SHANK2: variants seen among roughly 807,000 people sequenced by gnomAD.
SHANK2 encodes the protein SH3 and multiple ankyrin repeat domains 2.
SHANK2 carries 43 observed loss-of-function variants against 133.7 expected under a neutral mutation model. The observed-to-expected ratio is 0.32, with a 90% CI of 0.25 to 0.41. The LOEUF (loss-of-function observed/expected upper bound fraction) is 0.41, where lower values mean the gene tolerates loss of function less well. Among genes scored for constraint, SHANK2 ranks in the 10% least tolerant of loss-of-function variants. The pLI is 1.00. For missense variants in SHANK2, 1,994 were observed against 2,235.8 expected (o/e 0.89, Z 2.18); for synonymous variants, 1,017 against 952.8 (o/e 1.07, Z -1.24).
At chr11:71,141,803 C>T (rs1295438678) in intron 3 of SHANK2, among the ~76,000 whole-genome samples, 1 of 152,032 alleles carries the variant, frequency 6.6e-6, no homozygotes, top group East Asian at 1.9e-4. Context: ...ATGATGGAGC[C>T]AAACGGAATT....
intron 17 of SHANK2, among the ~76,000 whole-genome samples, chr11:70,562,439 G>A (rs1554981054): frequency 6.6e-6 from 1 of 152,136 alleles, no homozygotes; most frequent in African/African-American, 2.4e-5. Context: ...CATGTATTTT[G>A]AGGCTCTGTT....
chr11:71,143,203 C>A (rs532524831), intron 3 of SHANK2, among the ~76,000 whole-genome samples: 1 of 152,286 alleles, frequency 6.6e-6, no homozygotes, highest in South Asian at 2.1e-4. Context: ...CCACTGCACA[C>A]CAGCCTGGGT....
chr11:70,527,588 C>T (rs921160634), intron 17 of SHANK2, among the ~76,000 whole-genome samples: 3 of 152,206 alleles, frequency 2.0e-5, no homozygotes, highest in African/African-American at 7.2e-5. Context: ...GTGTCATCAG[C>T]CAGCTCGGGT....
chr11:70,743,414 C>G (rs1331197965), intron 14 of SHANK2, among the ~76,000 whole-genome samples: 1 of 152,206 alleles, frequency 6.6e-6, no homozygotes, highest in Non-Finnish European at 1.5e-5. Flanking sequence ...AATGCGAGCA[C>G]ATGGCACAAA....
intron 17 of SHANK2, among the ~76,000 whole-genome samples, chr11:70,617,091 A>G (rs1157922858): frequency 8.6e-5 from 13 of 151,454 alleles, no homozygotes; most frequent in African/African-American, 3.2e-4. Context: ...GTGTGTGTCT[A>G]TGAGAGTGTG....
chr11:70,772,785 T>A (rs1947280103), intron 14 of SHANK2, among the ~76,000 whole-genome samples: 2 of 152,226 alleles, frequency 1.3e-5, no homozygotes, highest in Admixed American at 6.5e-5. Flanking sequence ...GAAAATTTAC[T>A]GTCCTAGCCA....
chr11:71,124,760 T>C (rs2135297708), intron 3 of SHANK2, among the ~76,000 whole-genome samples: 1 of 152,300 alleles, frequency 6.6e-6, no homozygotes, highest in East Asian at 1.9e-4. Context: ...AGGCAAATCA[T>C]AAATTAGAGG....
chr11:70,890,797 CA>C (rs11388360), intron 11 of SHANK2, among the ~76,000 whole-genome samples: 3,073 of 125,134 alleles, frequency 0.025, 119 homozygotes, highest in African/African-American at 0.08. Context: ...GAAACTGTCT[CA>C]AAAAAAAAAA....
chr11:70,882,078 T>TC lies in SHANK2; in HGVS notation c.1174+14422dup, dbSNP rs1343091918. 2.6e-5 allele frequency among the ~76,000 whole-genome samples: 4 copies of TC among 151,930 alleles called. No individual in the cohort carries two copies. The highest frequency in any genetic ancestry group is 9.7e-5 in the African/African-American group (4 of 41,332). On this transcript the variant is annotated intron_variant, in intron 11 of 25. Coordinates refer to ENST00000601538, the MANE Select transcript of SHANK2 (RefSeq NM_012309.5). This position sits in a 1 kb window ranked among gnomAD's most constrained non-coding sequence, Gnocchi z 4.2. ...AGAGGCGGAAAACATCAGTGTGAAT[T>TC]CCCCAAGCCCCCAGGGGGACACACT...
intron 6 of SHANK2, among the ~76,000 whole-genome samples, chr11:71,102,492 C>T (rs1951731793): frequency 6.6e-6 from 1 of 152,114 alleles, no homozygotes; most frequent in East Asian, 1.9e-4. Context: ...CTGAGCATGG[C>T]GGCATTTCCT....
intron 21 of SHANK2, among the ~76,000 whole-genome samples, chr11:70,498,213 CTG>C (rs1555157534): frequency 6.7e-4 from 102 of 152,386 alleles, no homozygotes; most frequent in African/African-American, 2.4e-3. Context: ...CATCCTGTCT[CTG>C]GGTGAGAGAG....
intron 1 of SHANK2, among the ~76,000 whole-genome samples, chr11:71,238,563 C>T (rs1555124012): frequency 7.2e-5 from 11 of 152,230 alleles, no homozygotes; most frequent in Non-Finnish European, 1.6e-4. Flanking sequence ...ACCCAACACT[C>T]CCCAAAGCCC....
At chr11:70,716,549 C>T (rs1345472565) in intron 14 of SHANK2, among the ~76,000 whole-genome samples, 4 of 152,090 alleles carry the variant, frequency 2.6e-5, no homozygotes, top group African/African-American at 9.7e-5. Context: ...TCAAGGGGAC[C>T]CATCTCCATC....
intron 8 of SHANK2, among the ~76,000 whole-genome samples, chr11:71,090,677 ATTTATATGT>A (rs1243817019): frequency 1.6e-3 from 250 of 151,916 alleles, no homozygotes; most frequent in African/African-American, 5.9e-3. Flanking sequence ...ACATAGATAC[ATTTATATGT>A]TATATATGTA....
At chr11:70,558,053 C>T (rs1212050643) in intron 17 of SHANK2, among the ~76,000 whole-genome samples, 1 of 152,168 alleles carries the variant, frequency 6.6e-6, no homozygotes, top group Non-Finnish European at 1.5e-5. Context: ...GGAGAGGAGG[C>T]GAGACCGTGA....
At chr11:71,094,109 A>AC (rs1951564858) in intron 7 of SHANK2, among the ~76,000 whole-genome samples, 2 of 151,826 alleles carry the variant, frequency 1.3e-5, no homozygotes, top group Admixed American at 1.3e-4. Flanking sequence ...TCGAATTGTA[A>AC]CCCCCAGTGC....
At chr11:71,149,614 T>C (rs1161410520) in intron 2 of SHANK2, among the ~76,000 whole-genome samples, 1 of 150,012 alleles carries the variant, frequency 6.7e-6, no homozygotes, top group East Asian at 2.0e-4. Flanking sequence ...GAGAGGAGGG[T>C]AGTAGGAAAA....
intron 9 of SHANK2, among the ~76,000 whole-genome samples, chr11:71,064,852 C>CTCCAAT (rs1951029210): frequency 3.9e-5 from 6 of 151,956 alleles, no homozygotes; most frequent in Non-Finnish European, 8.8e-5. Flanking sequence ...CCTAAGAGGT[C>CTCCAAT]GGCACGTGGG....
intron 3 of SHANK2, among the ~76,000 whole-genome samples, chr11:71,133,538 A>C (rs868939502): frequency 3.4e-5 from 5 of 147,538 alleles, no homozygotes; most frequent in South Asian, 2.3e-4. Flanking sequence ...GGCTGGCTGG[A>C]TGGATAGATA....
Sources: allele counts gnomAD v4.1 joint callset (sites outside exome capture counted in the v4.1 genomes callset), GRCh38; gene constraint gnomAD v4.1.1; non-coding constraint Gnocchi (gnomAD v3.1); transcripts MANE v1.5; gene names NCBI Gene and HGNC (gene_info 2026-07-23, HGNC 2026-07-21).